Variants in ADPRHL1 observed in about 807,000 individuals in gnomAD.
ADPRHL1 encodes the protein ADP-ribosylhydrolase like 1.
A neutral mutation model predicts 44.1 loss-of-function variants in ADPRHL1; 43 were observed. The ratio of observed to expected loss-of-function variants is 0.98; its 90% confidence interval spans 0.76 to 1.26. The LOEUF (loss-of-function observed/expected upper bound fraction) is 1.26, where lower values mean the gene tolerates loss of function less well. Ranked by LOEUF, ADPRHL1 falls within the 50% of genes most tolerant of loss-of-function variation. ADPRHL1 has a pLI of 0.00. For synonymous variants in ADPRHL1, 878 were observed against 1,017.4 expected (o/e 0.86, Z 2.61); for missense variants, 2,022 against 2,496.9 (o/e 0.81, Z 4.05).
chr13:113,443,923 G>A (rs2044116991), intron 2 of ADPRHL1, among the ~76,000 whole-genome samples: 1 of 149,788 alleles, frequency 6.7e-6, no homozygotes, highest in Non-Finnish European at 1.5e-5. Flanking sequence ...AGCCTAGATG[G>A]CAGAGCAAGA....
Position 113,421,533 on chromosome 13 carries a change from A to G in ADPRHL1, c.1061+1293T>C, listed in dbSNP as rs112596428. Among the ~76,000 whole-genome samples the G allele has an allele frequency of 8.3e-3, 1,257 of 152,262 alleles. 4 individuals are homozygous for G. The highest frequency in any genetic ancestry group is 0.014 in the Middle Eastern group (4 of 294). On this transcript the variant is annotated intron_variant, in intron 7 of 7. Coordinates refer to ENST00000612156, the MANE Select transcript of ADPRHL1 (RefSeq NM_001394807.1). ...CTTGCACTGAATGAATGCAGGGGTC[A>G]TTTCCATCAAGGGGAGGCGGCCGGG...
rs67568265 is a variant in ADPRHL1, at chr13:113,409,212, C to T, written c.1062-992G>A. On this transcript the variant is annotated intron_variant, in intron 7 of 7. Coordinates refer to ENST00000612156, the MANE Select transcript of ADPRHL1 (RefSeq NM_001394807.1). The surrounding 1 kb of genome is among the most constrained non-coding windows in gnomAD (Gnocchi z 4.2). ...TGATGGTGTTTTCTGAGCCTGGGTC[C>T]GGGGTAAGTTCTGCTCCTGAGCAGC... 62,595 of 781,654 alleles carry T rather than the reference C, an allele frequency of 0.08. 2,751 individuals are homozygous for T. The highest frequency in any genetic ancestry group is 0.088 in the Non-Finnish European group (56,804 of 643,914). 48.4% of individuals were successfully genotyped at this position (781,654 alleles called of 1,614,324 possible). A position where few individuals can be genotyped will look rare whatever the true frequency, so the allele number is the denominator to read the frequency against.
intron 2 of ADPRHL1, among the ~76,000 whole-genome samples, chr13:113,437,835 CTTT>C (rs2044072348): frequency 6.6e-6 from 1 of 152,114 alleles, no homozygotes; most frequent in African/African-American, 2.4e-5. Context: ...GAATGTTTAA[CTTT>C]TTTGTTTGTT....
Position 113,409,537 on chromosome 13 carries a change from G to C in ADPRHL1, c.1062-1317C>G. ...TTTGTGGGAGAAGAGTCGGTGGCCG[G>C]ATGCGGCTGGTGACGTGGTGCCAAG... On this transcript the variant is annotated intron_variant, in intron 7 of 7. Coordinates refer to ENST00000612156, the MANE Select transcript of ADPRHL1 (RefSeq NM_001394807.1). This position sits in a 1 kb window ranked among gnomAD's most constrained non-coding sequence, Gnocchi z 4.2. 1.0e-6 allele frequency: 1 copy of C among 985,376 alleles called. No homozygotes were observed. Among genetic ancestry groups the C allele is most frequent in the East Asian group, 1.1e-4 (1 of 8,816 alleles). 61.0% of individuals were successfully genotyped at this position (985,376 alleles called of 1,614,324 possible).
chr13:113,402,001 C>A lies in ADPRHL1; in HGVS notation c.*1377G>T, dbSNP rs76679247. ...CAGGTGCTCGCAGCAGGCACCAAAG[C>A]GCCTTTGCGAACGCTTAGGGCTGTT... On this transcript the variant is annotated 3_prime_UTR_variant, in exon 8 of 8. Transcript: ENST00000612156. The A allele has an allele frequency of 0.02, 3,056 of 152,380 alleles. 53 individuals are homozygous for A. Among genetic ancestry groups the A allele is most frequent in the Non-Finnish European group, 0.031 (2,138 of 68,042 alleles). The allele number at this position is 152,380 out of a possible 1,614,324, so 9.4% of individuals were successfully genotyped here.
intron 3 of ADPRHL1, among the ~76,000 whole-genome samples, chr13:113,429,606 C>G (rs538259455): frequency 1.3e-5 from 2 of 152,382 alleles, no homozygotes; most frequent in African/African-American, 4.8e-5. Flanking sequence ...ATTGGGAACA[C>G]CGCGTCACGT....
At chr13:113,446,130 C>T (rs2044135690) in intron 1 of ADPRHL1, among the ~76,000 whole-genome samples, 1 of 139,080 alleles carries the variant, frequency 7.2e-6, no homozygotes, top group Non-Finnish European at 1.6e-5. Flanking sequence ...CAGGCCCCCC[C>T]TCCCCCCTCC....
At chr13:113,452,265 C>T (rs879476134) in intron 1 of ADPRHL1, among the ~76,000 whole-genome samples, 1 of 152,164 alleles carries the variant, frequency 6.6e-6, no homozygotes, top group Admixed American at 6.5e-5. Context: ...GACGCCTCCC[C>T]GTCTCCAGCA....
rs1378647952 is a variant in ADPRHL1 at position 113,405,606 on chromosome 13, G to A, written c.3676C>T (p.Arg1226Ter). The stretch of plus-strand genomic sequence containing the variant: ...GCTGATGTGTTTGAAATGTATAATC[G>A]GGCCGCCTCTGGGTGCCGGGCGAGG... ...AALARHPEAARLYISNTSAAS... is the reference protein window; with the variant it reads ...AALARHPEAA The change falls in exon 8 of 8, where the codon CGA (arginine) becomes TGA (stop). Residue 1226 changes from arginine (R) to a stop codon, truncating the protein, a stop_gained. Coordinates refer to ENST00000612156, the MANE Select transcript of ADPRHL1 (RefSeq NM_001394807.1). LOFTEE classifies it low-confidence loss of function (END_TRUNC). 3.2e-5 allele frequency: 40 copies of A among 1,232,474 alleles called. No homozygotes were observed. Among genetic ancestry groups the A allele is most frequent in the Non-Finnish European group, 3.8e-5 (38 of 988,682 alleles). The allele number at this position is 1,232,474 out of a possible 1,614,324, so 76.3% of individuals were successfully genotyped here.
intron 2 of ADPRHL1, among the ~76,000 whole-genome samples, chr13:113,443,555 G>A (rs1398293197): frequency 3.9e-5 from 6 of 152,016 alleles, no homozygotes; most frequent in African/African-American, 1.5e-4. Context: ...GGAGGTCAAG[G>A]CTGCAGTGAG....
At chr13:113,419,195 C>T (rs1254749698) in intron 7 of ADPRHL1, among the ~76,000 whole-genome samples, 1 of 146,870 alleles carries the variant, frequency 6.8e-6, no homozygotes, top group Non-Finnish European at 1.5e-5. Context: ...CAACCTCAAC[C>T]TCTCAGGCTC....
chr13:113,420,270 G>T (rs572603418), intron 7 of ADPRHL1, among the ~76,000 whole-genome samples: 1 of 152,282 alleles, frequency 6.6e-6, no homozygotes, highest in African/African-American at 2.4e-5. Flanking sequence ...GCCAGCTTTT[G>T]TTTACGATGC....
At position 113,403,208 on chromosome 13, in the gene ADPRHL1, T is replaced by A; in HGVS notation, c.*170A>T. The A allele has an allele frequency of 1.8e-6, 1 of 544,176 alleles. No homozygotes were observed. The allele number at this position is 544,176 out of a possible 1,614,324, so 33.7% of individuals were successfully genotyped here. A position where few individuals can be genotyped will look rare whatever the true frequency, so the allele number is the denominator to read the frequency against. On this transcript the variant is annotated 3_prime_UTR_variant, in exon 8 of 8. Transcript: ENST00000612156. The stretch of plus-strand genomic sequence containing the variant: ...TGGGGTGACAGGAACCCGACCCACA[T>A]GTAGCTCAATCCTCCCAAGGTCAGC...
In ADPRHL1 at chr13:113,450,004, G is replaced by A. The variant is rs191582958; in HGVS notation, c.214+3220C>T. On this transcript the variant is annotated intron_variant, in intron 1 of 7. Coordinates refer to ENST00000612156, the MANE Select transcript of ADPRHL1 (RefSeq NM_001394807.1). ...TGATAAAATCAGCCTCCACGGTGATGTGAGGAGCATGTGTGGAGGATAACA... is the reference window on the plus strand; with the variant it reads ...TGATAAAATCAGCCTCCACGGTGATATGAGGAGCATGTGTGGAGGATAACA... 9.8e-4 allele frequency among the ~76,000 whole-genome samples: 149 copies of A among 152,366 alleles called. 2 individuals carry two copies. Among genetic ancestry groups the A allele is most frequent in the Non-Finnish European group, 1.2e-4 (8 of 68,040 alleles).
At chr13:113,445,002 C>T (rs546401649) in intron 1 of ADPRHL1, among the ~76,000 whole-genome samples, 39 of 152,286 alleles carry the variant, frequency 2.6e-4, no homozygotes, top group East Asian at 1.9e-3. Context: ...GGGCTTGTGA[C>T]GCCGATGGTG....
intron 1 of ADPRHL1, among the ~76,000 whole-genome samples, chr13:113,449,559 A>T: frequency 7.1e-6 from 1 of 141,460 alleles, no homozygotes; most frequent in Non-Finnish European, 1.6e-5. Context: ...GTTCAGAGAG[A>T]CACACCCGGA....
rs1202314063 is a variant in ADPRHL1, at chr13:113,401,014, G to C, written c.*2364C>G. 6.6e-6 allele frequency: 1 copy of C among 152,278 alleles called. No individual in the cohort carries two copies. The highest frequency in any genetic ancestry group is 1.5e-5 in the Non-Finnish European group (1 of 68,068). 9.4% of individuals were successfully genotyped at this position (152,278 alleles called of 1,614,324 possible). A position where few individuals can be genotyped will look rare whatever the true frequency, so the allele number is the denominator to read the frequency against. ...TTCTTATTTATAAAGGGAACAGCCA[G>C]TGAACATATTTTTACCTCCCGTGTC... On this transcript the variant is annotated 3_prime_UTR_variant, in exon 8 of 8. Transcript: ENST00000612156. This position sits in a 1 kb window ranked among gnomAD's most constrained non-coding sequence, Gnocchi z 5.5.
rs2043822472 is a variant in ADPRHL1 at position 113,408,065 on chromosome 13, G to A, written c.1217C>T (p.Thr406Ile). 2 of 1,231,944 alleles carry A rather than the reference G, an allele frequency of 1.6e-6. No homozygotes were observed. The highest frequency in any genetic ancestry group is 1.6e-5 in the African/African-American group (1 of 64,420). 76.3% of individuals were successfully genotyped at this position (1,231,944 alleles called of 1,614,324 possible). Residue 406 changes from threonine to isoleucine, a missense_variant, in exon 8 of 8, where the codon ACA becomes ATA. Physicochemically the swap from Thr to Ile is moderately conservative, Grantham distance 89. This residue lies in a region of ADPRHL1 where 1,221 missense variants were observed against 1,517.8 expected (regional missense o/e 0.80). Transcript: ENST00000612156. ...GCTGGGCCTGCTCCCCCCGGCCTCT[G>A]TCCCCGGGGGCCGGTCTGCGCGGCC... ...VTGRADRPPG[T>I]EAGGSRPSHQ...
At chr13:113,447,352 GTGT>G (rs1192132715) in intron 1 of ADPRHL1, among the ~76,000 whole-genome samples, 2 of 150,898 alleles carry the variant, frequency 1.3e-5, no homozygotes, top group Non-Finnish European at 2.9e-5. Flanking sequence ...TACACTCACG[GTGT>G]TGTGTGTGTA....
Sources: gnomAD v4.1 joint callset for allele counts (sites outside exome capture counted in the v4.1 genomes callset) on GRCh38, gnomAD v4.1.1 for gene constraint, gnomAD v4.1.1 regional missense constraint, Gnocchi (gnomAD v3.1) non-coding constraint, MANE v1.5 for transcripts, NCBI Gene and HGNC (gene_info 2026-07-23, HGNC 2026-07-21) for gene names.